TCF7L1: variants seen among roughly 807,000 people sequenced by gnomAD.
TCF7L1 encodes transcription factor 7-like 1.
A neutral mutation model predicts 63.7 loss-of-function variants in TCF7L1; 18 were observed. The observed-to-expected ratio is 0.28, with a 90% CI of 0.20 to 0.42. The LOEUF is 0.42. TCF7L1 is among the 10% of genes least tolerant of loss of function. TCF7L1 has a pLI of 1.00. For missense variants in TCF7L1, 654 were observed against 779.3 expected (o/e 0.84, Z 1.91); for synonymous variants, 355 against 340.9 (o/e 1.04, Z -0.46).
Position 85,303,967 on chromosome 2 carries a change from T to TCCCCC in TCF7L1, c.732_736dup (p.His246ProfsTer33). On this transcript the variant is annotated frameshift_variant, in exon 6 of 12. Transcript: ENST00000282111. LOFTEE classifies it high-confidence loss of function. Reference sequence around the variant, plus strand: ...CTCTCTCCCGGAGCTGTCGGACAAATCCCCCACCCCCTCGGCTGGCTCGTC... The same window carrying TCCCCC: ...CTCTCTCCCGGAGCTGTCGGACAAATCCCCCCCCCCACCCCCTCGGCTGGCTCGTC... The TCCCCC allele has an allele frequency of 3.1e-6, 5 of 1,610,036 alleles. No individual in the cohort carries two copies. The highest frequency in any genetic ancestry group is 1.7e-5 in the Admixed American group (1 of 59,618).
intron 3 of TCF7L1, chr2:85,262,328 A>G: frequency 1.8e-6 from 1 of 544,678 alleles, no homozygotes; most frequent in Non-Finnish European, 3.7e-6. Context: ...GGAATTTCAC[A>G]AAGAGCACAC....
intron 3 of TCF7L1, among the ~76,000 whole-genome samples, chr2:85,268,496 G>A (rs1243850054): frequency 3.7e-5 from 5 of 135,802 alleles, no homozygotes; most frequent in South Asian, 2.3e-4. Context: ...TTTTTGAGAC[G>A]GAGTCTCGCT....
chr2:85,235,939 C>T (rs767404658), intron 3 of TCF7L1, among the ~76,000 whole-genome samples: 9 of 152,014 alleles, frequency 5.9e-5, no homozygotes, highest in South Asian at 2.1e-4. Flanking sequence ...GCAAGAGGAT[C>T]GCTTGAGCCC....
Position 85,306,290 on chromosome 2 carries a change from G to A in TCF7L1, c.1074G>A (p.Lys358=). The A allele has an allele frequency of 1.2e-6, 2 of 1,614,184 alleles. No individual in the cohort carries two copies. The highest frequency in any genetic ancestry group is 1.7e-6 in the Non-Finnish European group (2 of 1,180,022). The change falls in exon 9 of 12, where the codon AAG becomes AAA. Residue 358 remains lysine (K), a synonymous_variant. Transcript: ENST00000282111. This position sits in a 1 kb window ranked among gnomAD's most constrained non-coding sequence, Gnocchi z 4.3. ...KPLNAFMLYM[K]EMRAKVVAEC... is the part of the protein sequence containing the mutation. ...TGAATGCCTTCATGTTGTATATGAAGGAGATGAGGGCCAAGGTGGTGGCTG... is the reference window on the plus strand; with the variant it reads ...TGAATGCCTTCATGTTGTATATGAAAGAGATGAGGGCCAAGGTGGTGGCTG...
At chr2:85,181,480 A>G (rs1678804821) in intron 3 of TCF7L1, among the ~76,000 whole-genome samples, 1 of 152,150 alleles carries the variant, frequency 6.6e-6, no homozygotes, top group South Asian at 2.1e-4. Context: ...GCCCGGAGGA[A>G]AAAAAGAACT....
At chr2:85,152,299 C>A (rs1678035580) in intron 3 of TCF7L1, among the ~76,000 whole-genome samples, 1 of 152,168 alleles carries the variant, frequency 6.6e-6, no homozygotes, top group African/African-American at 2.4e-5. Context: ...TATATAGCTA[C>A]TAAAGGTTAT....
chr2:85,196,900 G>A (rs904506229), intron 3 of TCF7L1, among the ~76,000 whole-genome samples: 1 of 152,150 alleles, frequency 6.6e-6, no homozygotes, highest in Admixed American at 6.5e-5. Flanking sequence ...GACTGCTGCT[G>A]CTTGCCTGGA....
At chr2:85,174,837 AC>A (rs1678637796) in intron 3 of TCF7L1, among the ~76,000 whole-genome samples, 1 of 152,154 alleles carries the variant, frequency 6.6e-6, no homozygotes, top group South Asian at 2.1e-4. Flanking sequence ...CTCTGCTCCT[AC>A]ATCCTTGGGT....
At chr2:85,147,928 G>T (rs1677920938) in intron 3 of TCF7L1, among the ~76,000 whole-genome samples, 1 of 152,102 alleles carries the variant, frequency 6.6e-6, no homozygotes, top group African/African-American at 2.4e-5. Context: ...ACCATCATAG[G>T]TTAGGGACTG....
chr2:85,214,899 A>G lies in TCF7L1; in HGVS notation c.442-68596A>G, dbSNP rs1036444118. Reference sequence around the variant, plus strand: ...ACATTTGAATAACCTAGCTTTTACCATATTTGGAGTTTGCTGTCCCCTGGT... The same window carrying G: ...ACATTTGAATAACCTAGCTTTTACCGTATTTGGAGTTTGCTGTCCCCTGGT... On this transcript the variant is annotated intron_variant, in intron 3 of 11. Transcript: ENST00000282111. Among the ~76,000 whole-genome samples, 5 of 152,214 alleles carry G rather than the reference A, an allele frequency of 3.3e-5. No individual in the cohort carries two copies. In the South Asian group the frequency reaches 6.2e-4, roughly 19 times the overall value.
intron 3 of TCF7L1, among the ~76,000 whole-genome samples, chr2:85,203,071 G>A (rs1301987198): frequency 1.3e-5 from 2 of 152,072 alleles, no homozygotes; most frequent in African/African-American, 4.8e-5. Flanking sequence ...TCCTGACCTC[G>A]TGATCCGCCC....
At chr2:85,291,184 C>G (rs886386921) in intron 4 of TCF7L1, among the ~76,000 whole-genome samples, 12 of 152,208 alleles carry the variant, frequency 7.9e-5, no homozygotes, top group African/African-American at 2.7e-4. Flanking sequence ...CTCTTAGGAA[C>G]ACACCTTCTC....
intron 3 of TCF7L1, among the ~76,000 whole-genome samples, chr2:85,254,696 A>G (rs1680667320): frequency 6.6e-6 from 1 of 152,148 alleles, no homozygotes; most frequent in Non-Finnish European, 1.5e-5. Context: ...TGGGGGCTCT[A>G]TTCTCACTCC....
chr2:85,176,986 CA>C lies in TCF7L1; in HGVS notation c.441+42559del, dbSNP rs774094748. Among the ~76,000 whole-genome samples, 317 of 66,778 alleles carry C rather than the reference CA, an allele frequency of 4.7e-3. 1 individual carries two copies. Among genetic ancestry groups the C allele is most frequent in the South Asian group, 0.011 (18 of 1,686 alleles). 43.8% of individuals were successfully genotyped at this position (66,778 alleles called of 152,430 possible). On this transcript the variant is annotated intron_variant, in intron 3 of 11. Coordinates refer to ENST00000282111, the MANE Select transcript of TCF7L1 (RefSeq NM_031283.3). The stretch of plus-strand genomic sequence containing the variant: ...TGGGTGACAGAGCGAGACTCTGTCT[CA>C]AAAAAAAAAAAAAAAAAAAAAATCC...
At chr2:85,202,866 C>T (rs1374779970) in intron 3 of TCF7L1, among the ~76,000 whole-genome samples, 2 of 152,156 alleles carry the variant, frequency 1.3e-5, no homozygotes, top group East Asian at 1.9e-4. Context: ...CAGAGTCTCG[C>T]TCTTTCGCCC....
At position 85,308,557 on chromosome 2, in the gene TCF7L1, C is replaced by T. The variant is rs1573037455; in HGVS notation, c.1334-472C>T. ...GCCCTCCCTTTCTCCTTCCCTCCCTCCCTATTTCCTTGCCTCCCCTCCTCC... is the reference window on the plus strand; with the variant it reads ...GCCCTCCCTTTCTCCTTCCCTCCCTTCCTATTTCCTTGCCTCCCCTCCTCC... On this transcript the variant is annotated intron_variant, in intron 11 of 11. Coordinates refer to ENST00000282111, the MANE Select transcript of TCF7L1 (RefSeq NM_031283.3). Among the ~76,000 whole-genome samples, 5 of 146,882 alleles carry T rather than the reference C, an allele frequency of 3.4e-5. No individual in the cohort carries two copies. The South Asian group carries it at 8.9e-4, about 26-fold the overall frequency.
intron 3 of TCF7L1, among the ~76,000 whole-genome samples, chr2:85,178,715 G>A (rs1027795541): frequency 6.6e-6 from 1 of 152,206 alleles, no homozygotes; most frequent in Non-Finnish European, 1.5e-5. Context: ...ATCTGAAGTT[G>A]GTGCAGCCTC....
intron 3 of TCF7L1, among the ~76,000 whole-genome samples, chr2:85,161,316 C>G (rs1300103298): frequency 6.6e-6 from 1 of 152,186 alleles, no homozygotes; most frequent in East Asian, 1.9e-4. Context: ...GTGTGATTTA[C>G]TTTCTTGGTT....
At chr2:85,211,982 C>T (rs557979805) in intron 3 of TCF7L1, among the ~76,000 whole-genome samples, 2 of 148,052 alleles carry the variant, frequency 1.4e-5, no homozygotes, top group Admixed American at 6.9e-5. Flanking sequence ...CCCAGCTACT[C>T]GGGATGCTGA....
Sources: gnomAD v4.1 joint callset for allele counts (sites outside exome capture counted in the v4.1 genomes callset) on GRCh38, gnomAD v4.1.1 for gene constraint, Gnocchi (gnomAD v3.1) non-coding constraint, MANE v1.5 for transcripts, NCBI Gene and HGNC (gene_info 2026-07-23, HGNC 2026-07-21) for gene names.